PDLIM3: variants seen among roughly 807,000 people sequenced by gnomAD.
PDLIM3 encodes PDZ and LIM domain protein 3.
Under a neutral mutation model 37.3 loss-of-function variants are expected in PDLIM3, and 36 were observed. That is an observed-to-expected ratio of 0.97 (90% CI 0.74 to 1.28). PDLIM3 has a LOEUF of 1.28. Among genes scored for constraint, PDLIM3 ranks in the 50% most tolerant of loss-of-function variants. The pLI is 0.00. For synonymous variants in PDLIM3, 174 were observed against 182.4 expected (o/e 0.95, Z 0.37); for missense variants, 454 against 485.0 (o/e 0.94, Z 0.60).
intron 5 of PDLIM3, among the ~76,000 whole-genome samples, chr4:185,507,702 G>GA (rs1267469573): frequency 3.3e-5 from 5 of 151,898 alleles, no homozygotes; most frequent in African/African-American, 7.3e-5. Context: ...TTATAACAAA[G>GA]AAAAAATTAG....
intron 3 of PDLIM3, among the ~76,000 whole-genome samples, chr4:185,520,490 A>C (rs1478177693): frequency 1.4e-5 from 1 of 68,992 alleles, no homozygotes; most frequent in African/African-American, 2.7e-5. Context: ...GTAAATATTC[A>C]TATTTTCTAA....
chr4:185,523,238 T>A, intron 3 of PDLIM3, 124 bp downstream of exon 3: 1 of 677,454 alleles, frequency 1.5e-6, no homozygotes, highest in South Asian at 1.7e-5. Context: ...CGGAGAGGAA[T>A]GACAGACAAC....
intron 2 of PDLIM3, among the ~76,000 whole-genome samples, chr4:185,523,913 C>T (rs557832827): frequency 8.2e-4 from 124 of 151,708 alleles, no homozygotes; most frequent in African/African-American, 2.8e-3. Context: ...CCACCACACC[C>T]GGCCGAAGTC....
intron 1 of PDLIM3, among the ~76,000 whole-genome samples, chr4:185,531,045 T>C (rs1382040817): frequency 6.6e-6 from 1 of 151,824 alleles, no homozygotes; most frequent in East Asian, 1.9e-4. Context: ...GGTACTAATG[T>C]AGGTTTTAGG....
intron 1 of PDLIM3, among the ~76,000 whole-genome samples, chr4:185,526,333 T>C (rs907947978): frequency 1.3e-5 from 2 of 152,218 alleles, no homozygotes; most frequent in African/African-American, 2.4e-5. Context: ...TAGATTTTAA[T>C]TAAACCATAG....
chr4:185,531,122 A>G (rs1006377840), intron 1 of PDLIM3, among the ~76,000 whole-genome samples: 15 of 152,162 alleles, frequency 9.9e-5, no homozygotes, highest in Admixed American at 3.9e-4. Context: ...CCATATTGAA[A>G]TCTTGTCAAA....
At chr4:185,525,254 G>A in intron 1 of PDLIM3, 83 bp from the exon 2 acceptor site, 1 of 1,363,550 alleles carries the variant, frequency 7.3e-7, no homozygotes, top group Non-Finnish European at 1.0e-6. Flanking sequence ...TTTCAGCCTG[G>A]TAACATTTTA....
At position 185,535,478 on chromosome 4, in the gene PDLIM3, G is replaced by A. The variant is rs765157606; in HGVS notation, c.-44C>T. ...ACCGGGCTCTAAGTGTCCCCGCGCA[G>A]GGCAGCCACTCCGCGCCGGGCGGCG... On this transcript the variant is annotated 5_prime_UTR_variant, in exon 1 of 8. Transcript: ENST00000284767. The A allele has an allele frequency of 3.3e-6, 5 of 1,504,468 alleles. No homozygotes were observed. Among genetic ancestry groups the A allele is most frequent in the African/African-American group, 2.9e-5 (2 of 69,994 alleles). The allele number at this position is 1,504,468 out of a possible 1,614,324, so 93.2% of individuals were successfully genotyped here.
intron 5 of PDLIM3, 118 bp from the exon 6 acceptor site, chr4:185,506,770 T>A (rs2095698288): frequency 2.3e-6 from 2 of 866,158 alleles, no homozygotes; most frequent in Non-Finnish European, 3.7e-6. Context: ...TGAACAGAGG[T>A]CTAGTATTTT....
intron 1 of PDLIM3, among the ~76,000 whole-genome samples, chr4:185,535,132 C>CT (rs2095751297): frequency 6.6e-6 from 1 of 152,218 alleles, no homozygotes; most frequent in Admixed American, 6.5e-5. Flanking sequence ...TTAGAGCGGA[C>CT]TTTGTCAAAT....
intron 4 of PDLIM3, 81 bp from the exon 5 acceptor site, chr4:185,508,643 AG>A (rs2095701918): frequency 6.9e-7 from 1 of 1,439,666 alleles, no homozygotes. Context: ...GAACACGTAC[AG>A]AGAGGTTAAA....
At position 185,535,415 on chromosome 4, in the gene PDLIM3, A is replaced by G. The variant is rs1360143548; in HGVS notation, c.20T>C (p.Leu7Pro). MPQTVI[L>P]PGPAPWGFRL... ...GAAGCCCCAGGGCGCAGGGCCCGGGAGGATCACCGTCTGGGGCATGCCGCC... is the reference window on the plus strand; with the variant it reads ...GAAGCCCCAGGGCGCAGGGCCCGGGGGGATCACCGTCTGGGGCATGCCGCC... Residue 7 changes from leucine to proline, a missense_variant, in exon 1 of 8, where the codon CTC becomes CCC. By Grantham distance (98) the Leu-to-Pro change is moderately conservative. Transcript: ENST00000284767. The G allele has an allele frequency of 1.2e-6, 2 of 1,602,822 alleles. No homozygotes were observed.
intron 1 of PDLIM3, among the ~76,000 whole-genome samples, chr4:185,530,247 C>A (rs1219838361): frequency 6.6e-6 from 1 of 152,200 alleles, no homozygotes; most frequent in Non-Finnish European, 1.5e-5. Flanking sequence ...TTGTGTTTTA[C>A]CCTGGAAAAG....
intron 7 of PDLIM3, 50 bp from the exon 8 acceptor site, chr4:185,502,533 A>G: frequency 1.9e-6 from 3 of 1,546,502 alleles, no homozygotes; most frequent in Non-Finnish European, 2.7e-6. Flanking sequence ...GAGCAAAAAT[A>G]TGAGACAAAG....
chr4:185,513,940 C>G, intron 4 of PDLIM3: 2 of 1,219,368 alleles, frequency 1.6e-6, no homozygotes, highest in Non-Finnish European at 2.1e-6. Flanking sequence ...GCAGGGCTTT[C>G]CTGACCTGGG....
intron 1 of PDLIM3, among the ~76,000 whole-genome samples, chr4:185,532,557 T>G (rs538868626): frequency 1.3e-5 from 2 of 151,890 alleles, no homozygotes; most frequent in African/African-American, 4.8e-5. Context: ...GTCAGGGAAA[T>G]CGTAAGTAGT....
At chr4:185,523,209 G>T in intron 3 of PDLIM3, 153 bp downstream of exon 3, 1 of 611,834 alleles carries the variant, frequency 1.6e-6, no homozygotes, top group Non-Finnish European at 2.9e-6. Flanking sequence ...AAGAAAACAC[G>T]GATAATATAA....
At position 185,508,576 on chromosome 4, in the gene PDLIM3, T is replaced by C. The variant is rs1235055773; in HGVS notation, c.399-14A>G. 2 of 1,613,246 alleles carry C rather than the reference T, an allele frequency of 1.2e-6. No individual in the cohort carries two copies. The highest frequency in any genetic ancestry group is 1.7e-6 in the Non-Finnish European group (2 of 1,179,550). ...GTGCTGCATCCACTGTGTTAATGGA[T>C]ACACGTTACACAGAGATGGCACCGG... On this transcript the variant is annotated splice_polypyrimidine_tract_variant and intron_variant, in intron 4 of 7. Transcript: ENST00000284767.
In PDLIM3 at chr4:185,512,927, G is replaced by A. The variant is rs377271123; in HGVS notation, c.398+1343C>T. 23 of 985,438 alleles carry A rather than the reference G, an allele frequency of 2.3e-5. 2 individuals carry two copies. In the East Asian group the frequency reaches 4.5e-4, roughly 19 times the overall value. The allele number at this position is 985,438 out of a possible 1,614,324, so 61.0% of individuals were successfully genotyped here. A position where few individuals can be genotyped will look rare whatever the true frequency, so the allele number is the denominator to read the frequency against. Reference sequence around the variant, plus strand: ...ACGAGGGAACACATAGAGAGAAGCAGGAGAGGACACAGAGCTGCCAGCATC... The same window carrying A: ...ACGAGGGAACACATAGAGAGAAGCAAGAGAGGACACAGAGCTGCCAGCATC... On this transcript the variant is annotated intron_variant, in intron 4 of 7. Coordinates refer to ENST00000284767, the MANE Select transcript of PDLIM3 (RefSeq NM_014476.6).
Sources: allele counts gnomAD v4.1 joint callset (sites outside exome capture counted in the v4.1 genomes callset), GRCh38; gene constraint gnomAD v4.1.1; transcripts MANE v1.5; gene names NCBI Gene and HGNC (gene_info 2026-07-23, HGNC 2026-07-21).